Variants in TLX1 observed in about 807,000 individuals in gnomAD.
The protein encoded by TLX1 is T cell leukemia homeobox 1.
A neutral mutation model predicts 26.5 loss-of-function variants in TLX1; 6 were observed. The observed-to-expected ratio is 0.23, with a 90% confidence interval of 0.12 to 0.45. The LOEUF is 0.45. Among genes scored for constraint, TLX1 ranks in the 20% least tolerant of loss-of-function variants. TLX1 has a pLI of 0.99. For synonymous variants in TLX1, 217 were observed against 219.7 expected, an observed-to-expected ratio of 0.99 and a Z score of 0.11; for missense variants, 418 against 482.6, an observed-to-expected ratio of 0.87 and a Z score of 1.25.
At chr10:101,135,637 A>G (rs2134308682) in intron 2 of TLX1, 1 of 152,346 alleles carries the variant, frequency 6.6e-6, no homozygotes, top group Middle Eastern at 3.3e-3. Flanking sequence ...CTGAAACACA[A>G]CCAGTTTCAG....
At position 101,136,944 on chromosome 10, in the gene TLX1, G is replaced by A. The variant is rs774654793; in HGVS notation, c.*31G>A. 1.2e-5 allele frequency: 19 copies of A among 1,609,058 alleles called. No homozygotes were observed. The highest frequency in any genetic ancestry group is 1.6e-4 in the Middle Eastern group (1 of 6,070). On this transcript the variant is annotated 3_prime_UTR_variant, in exon 3 of 3. Transcript: ENST00000370196. ...CCCATTCTGCCCTGTGGGACCCCAG[G>A]CCCACTCAGGGGTCACTGAGGCCTG... is the stretch of plus-strand genomic sequence containing the variant.
intron 2 of TLX1, among the ~76,000 whole-genome samples, chr10:101,134,854 C>G (rs1940255421): frequency 6.6e-6 from 1 of 152,260 alleles, no homozygotes; most frequent in East Asian, 1.9e-4. Flanking sequence ...GACCGCGGCC[C>G]TGCTGACGGT....
chr10:101,136,778 C>G lies in TLX1; in HGVS notation c.858C>G (p.Ser286Arg). Reference sequence around the variant, plus strand: ...TGCAGCAGGAGGCCTTCCAGAAGAGCCTGGCACAGCCGCTGCCCGCTGACC... The same window carrying G: ...TGCAGCAGGAGGCCTTCCAGAAGAGGCTGGCACAGCCGCTGCCCGCTGACC... ...LQLQQEAFQK[S>R]LAQPLPADPL... The change falls in exon 3 of 3, where the codon AGC becomes AGG. Residue 286 changes from serine to arginine, a missense_variant. Transcript: ENST00000370196. 6.2e-7 allele frequency: 1 copy of G among 1,613,446 alleles called. No homozygotes were observed. The highest frequency in any genetic ancestry group is 1.1e-5 in the South Asian group (1 of 91,084).
chr10:101,134,423 G>C, intron 2 of TLX1, 47 bp downstream of exon 2: 1 of 1,483,952 alleles, frequency 6.7e-7, no homozygotes, highest in Non-Finnish European at 8.9e-7. Context: ...CGCGGTCTCA[G>C]GCAGCTCTCG....
At chr10:101,134,831 G>A (rs1486149549) in intron 2 of TLX1, among the ~76,000 whole-genome samples, 1 of 152,256 alleles carries the variant, frequency 6.6e-6, no homozygotes, top group African/African-American at 2.4e-5. Flanking sequence ...CCGGCAGAGG[G>A]TCTGTGGCCC....
rs2134312539 is a variant in TLX1 at position 101,137,653 on chromosome 10, G to GC, written c.*743dup. ...ACAGACAGGTTTTCACATAAATGCA[G>GC]CCCATTTCTCCAGAACCCATTTGAG... On this transcript the variant is annotated 3_prime_UTR_variant, in exon 3 of 3. Coordinates refer to ENST00000370196, the MANE Select transcript of TLX1 (RefSeq NM_005521.4). The GC allele has an allele frequency of 4.3e-6, 1 of 233,618 alleles. No homozygotes were observed. Among genetic ancestry groups the GC allele is most frequent in the African/African-American group, 2.2e-5 (1 of 45,424 alleles). The allele number at this position is 233,618 out of a possible 1,614,324, so 14.5% of individuals were successfully genotyped here. A position where few individuals can be genotyped will look rare whatever the true frequency, so the allele number is the denominator to read the frequency against.
rs759677847 is a variant in TLX1 at position 101,132,037 on chromosome 10, G to A, written c.496G>A (p.Val166Ile). ...TVPSVPAMPG[V>I]NNLTGLTFPW... ...GCCCTCTGTGCCTGCCATGCCGGGC[G>A]TCAACAACCTCACTGGCCTCACCTT... The change falls in exon 1 of 3, where the codon GTC becomes ATC. Residue 166 changes from valine to isoleucine, a missense_variant. This residue lies in a region of TLX1 where 322 missense variants were observed against 344.6 expected (regional missense o/e 0.93). Transcript: ENST00000370196. This position sits in a 1 kb window ranked among gnomAD's most constrained non-coding sequence, Gnocchi z 4.1. The A allele has an allele frequency of 2.0e-6, 3 of 1,515,806 alleles. No individual in the cohort carries two copies. The highest frequency in any genetic ancestry group is 2.0e-5 in the Admixed American group (1 of 49,416). The allele number at this position is 1,515,806 out of a possible 1,614,324, so 93.9% of individuals were successfully genotyped here.
intron 2 of TLX1, 46 bp downstream of exon 2, chr10:101,134,422 AG>A: frequency 6.7e-7 from 1 of 1,488,278 alleles, no homozygotes; most frequent in Non-Finnish European, 8.9e-7. Context: ...GCGCGGTCTC[AG>A]GCAGCTCTCG....
In TLX1 at chr10:101,137,020, G is replaced by A. The variant is rs1040885049; in HGVS notation, c.*107G>A. On this transcript the variant is annotated 3_prime_UTR_variant, in exon 3 of 3. Coordinates refer to ENST00000370196, the MANE Select transcript of TLX1 (RefSeq NM_005521.4). The stretch of plus-strand genomic sequence containing the variant: ...CTGGCCTCAGACTGCACCCAGGAGG[G>A]GAACACTGCCCTCGCACGGCCCCGA... 2.1e-6 allele frequency: 3 copies of A among 1,406,250 alleles called. No homozygotes were observed. The highest frequency in any genetic ancestry group is 2.2e-5 in the Admixed American group (1 of 46,176). 87.1% of individuals were successfully genotyped at this position (1,406,250 alleles called of 1,614,324 possible).
At position 101,132,634 on chromosome 10, in the gene TLX1, C is replaced by T. The variant is rs977223434; in HGVS notation, c.568+525C>T. The T allele has an allele frequency of 2.6e-5, 4 of 151,594 alleles. No homozygotes were observed. The highest frequency in any genetic ancestry group is 1.3e-4 in the Admixed American group (2 of 15,200). The allele number at this position is 151,594 out of a possible 1,614,324, so 9.4% of individuals were successfully genotyped here. ...CGGGGCCAGTGGGGGCTCTGAGCCC[C>T]GGTAAATCAGCAGAACCAGTGGCCT... is the stretch of plus-strand genomic sequence containing the variant. On this transcript the variant is annotated intron_variant, in intron 1 of 2. Transcript: ENST00000370196. The surrounding 1 kb of genome is among the most constrained non-coding windows in gnomAD (Gnocchi z 4.1).
rs1013081771 is a variant in TLX1, at chr10:101,131,904, C to T, written c.363C>T (p.Gly121=). The T allele has an allele frequency of 4.3e-6, 6 of 1,392,694 alleles. No individual in the cohort carries two copies. Among genetic ancestry groups the T allele is most frequent in the Non-Finnish European group, 5.5e-6 (6 of 1,082,236 alleles). The allele number at this position is 1,392,694 out of a possible 1,614,324, so 86.3% of individuals were successfully genotyped here. The change falls in exon 1 of 3, where the codon GGC becomes GGT. Residue 121 remains glycine (G), a synonymous_variant. Coordinates refer to ENST00000370196, the MANE Select transcript of TLX1 (RefSeq NM_005521.4). ...CTGGCGGCGGCGGCGGCAGCAGCGG[C>T]GGTGCCGGGGCACTCAGCGCTGCGG... ...PGPGGGGGSS[G]GAGALSAAGV...
Position 101,131,726 on chromosome 10 carries a change from C to A in TLX1, c.185C>A (p.Ser62Tyr), listed in dbSNP as rs1224877382. ...GGAYTYGGGG[S>Y]AAATGAGGAG... Reference sequence around the variant, plus strand: ...GCCTACACTTACGGCGGCGGGGGCTCCGCGGCCGCGACGGGGGCTGGAGGA... The same window carrying A: ...GCCTACACTTACGGCGGCGGGGGCTACGCGGCCGCGACGGGGGCTGGAGGA... The change falls in exon 1 of 3, where the codon TCC (serine) becomes TAC (tyrosine). Residue 62 changes from serine to tyrosine, a missense_variant. This residue lies in a region of TLX1 where 322 missense variants were observed against 344.6 expected (regional missense o/e 0.93). Transcript: ENST00000370196. The A allele has an allele frequency of 2.1e-6, 3 of 1,448,744 alleles. No homozygotes were observed. The highest frequency in any genetic ancestry group is 2.7e-6 in the Non-Finnish European group (3 of 1,106,606). The allele number at this position is 1,448,744 out of a possible 1,614,324, so 89.7% of individuals were successfully genotyped here.
chr10:101,136,551 A>G, intron 2 of TLX1, 140 bp from the exon 3 acceptor site: 2 of 1,419,154 alleles, frequency 1.4e-6, no homozygotes, highest in Non-Finnish European at 2.0e-6. Context: ...GGAACGCGTT[A>G]TAGGGGCCCA....
chr10:101,134,678 A>C (rs1940251566), intron 2 of TLX1, among the ~76,000 whole-genome samples: 1 of 152,098 alleles, frequency 6.6e-6, no homozygotes, highest in Non-Finnish European at 1.5e-5. Context: ...GGGTTAGTGC[A>C]CTCCACGCAG....
rs538593866 is a variant in TLX1 at position 101,133,885 on chromosome 10, G to T, written c.569-290G>T. On this transcript the variant is annotated intron_variant, in intron 1 of 2. Coordinates refer to ENST00000370196, the MANE Select transcript of TLX1 (RefSeq NM_005521.4). ...TTAGACTGCCCCTGGAGGAGAGGCG[G>T]CAGGGAGGTGGTTGGGCTCGCGGGA... Among the ~76,000 whole-genome samples the T allele has an allele frequency of 2.6e-5, 4 of 152,290 alleles. No homozygotes were observed. The East Asian group carries it at 7.7e-4, about 29-fold the overall frequency.
Position 101,134,226 on chromosome 10 carries a change from C to T in TLX1, c.620C>T (p.Ser207Phe). ...CCCAAGAAGAAGAAGCCGCGCACGTCCTTCACACGCCTGCAGATCTGCGAG... is the reference window on the plus strand; with the variant it reads ...CCCAAGAAGAAGAAGCCGCGCACGTTCTTCACACGCCTGCAGATCTGCGAG... ...TPPKKKKPRTSFTRLQICELE... is the reference protein window; with the variant it reads ...TPPKKKKPRTFFTRLQICELE... The change falls in exon 2 of 3, where the codon TCC becomes TTC. Residue 207 changes from serine to phenylalanine, a missense_variant. By Grantham distance (155) the Ser-to-Phe change is radical. Around this residue, in one of 3 missense-constraint regions of TLX1, gnomAD observed 322 missense variants for 344.6 expected, o/e 0.93. Coordinates refer to ENST00000370196, the MANE Select transcript of TLX1 (RefSeq NM_005521.4). 6.2e-7 allele frequency: 1 copy of T among 1,611,380 alleles called. No individual in the cohort carries two copies. Among genetic ancestry groups the T allele is most frequent in the Non-Finnish European group, 8.5e-7 (1 of 1,179,024 alleles).
At chr10:101,136,533 A>C (rs1940297092) in intron 2 of TLX1, 158 bp from the exon 3 acceptor site, 2 of 1,207,610 alleles carry the variant, frequency 1.7e-6, no homozygotes, top group South Asian at 2.5e-5. Context: ...CAGGACTCTC[A>C]AAAGAAGGGA....
At position 101,131,443 on chromosome 10, in the gene TLX1, G is replaced by A. The variant is rs1940167120; in HGVS notation, c.-99G>A. The stretch of plus-strand genomic sequence containing the variant: ...CACTTCGCTTCCAAGTCTCCGCGCA[G>A]CCAGGAGCCGCTGTTGCCTCCCAGC... On this transcript the variant is annotated 5_prime_UTR_variant, in exon 1 of 3. Transcript: ENST00000370196. 1.0e-6 allele frequency: 1 copy of A among 1,001,970 alleles called. No homozygotes were observed. The highest frequency in any genetic ancestry group is 1.3e-6 in the Non-Finnish European group (1 of 750,502). 62.1% of individuals were successfully genotyped at this position (1,001,970 alleles called of 1,614,324 possible).
At position 101,137,272 on chromosome 10, in the gene TLX1, C is replaced by T. The variant is rs541247524; in HGVS notation, c.*359C>T. 1.5e-5 allele frequency: 5 copies of T among 339,460 alleles called. No homozygotes were observed. Among genetic ancestry groups the T allele is most frequent in the South Asian group, 5.1e-5 (1 of 19,632 alleles). The allele number at this position is 339,460 out of a possible 1,614,324, so 21.0% of individuals were successfully genotyped here. ...TCCCCAGGGCTGTCATCTGAATTTG[C>T]CCTGGGAAACCCCTTCTCTGTGACC... On this transcript the variant is annotated 3_prime_UTR_variant, in exon 3 of 3. Coordinates refer to ENST00000370196, the MANE Select transcript of TLX1 (RefSeq NM_005521.4).
Sources: gnomAD v4.1 joint callset for allele counts (sites outside exome capture counted in the v4.1 genomes callset) on GRCh38, gnomAD v4.1.1 for gene constraint, gnomAD v4.1.1 regional missense constraint, Gnocchi (gnomAD v3.1) non-coding constraint, MANE v1.5 for transcripts, NCBI Gene and HGNC (gene_info 2026-07-23, HGNC 2026-07-21) for gene names.